The following LMNTD1 variants were observed in gnomAD, a reference collection of about 807,000 sequenced individuals.
LMNTD1 encodes the protein lamin tail domain-containing protein 1.
LMNTD1 carries 35 observed loss-of-function variants against 50.9 expected under a neutral mutation model. The ratio of observed to expected loss-of-function variants is 0.69; its 90% CI spans 0.53 to 0.91. The LOEUF (loss-of-function observed/expected upper bound fraction) is 0.91. Among genes scored for constraint, LMNTD1 ranks in the 40% least tolerant of loss-of-function variants. The probability of loss-of-function intolerance (pLI) is 0.00; values close to 1 mark genes in which losing one functional copy is unlikely to be tolerated. For missense variants in LMNTD1, 470 were observed against 475.5 expected, an observed-to-expected ratio of 0.99 and a Z score of 0.11; for synonymous variants, 153 against 161.9, an observed-to-expected ratio of 0.94 and a Z score of 0.42.
At chr12:25,647,415 G>A (rs201606449) in intron 1 of LMNTD1, among the ~76,000 whole-genome samples, 2 of 152,166 alleles carry the variant, frequency 1.3e-5, no homozygotes, top group South Asian at 2.1e-4. Context: ...CTTGAGCCTG[G>A]GGGGGCAGAG....
intron 1 of LMNTD1, among the ~76,000 whole-genome samples, chr12:25,581,705 G>A (rs1262413675): frequency 6.6e-6 from 1 of 152,106 alleles, no homozygotes. Flanking sequence ...GGTGATTTTG[G>A]TTGTGCAAAC....
Position 25,525,186 on chromosome 12 carries a change from C to T in LMNTD1, c.798+913G>A, listed in dbSNP as rs59919060. On this transcript the variant is annotated intron_variant, in intron 6 of 9. Coordinates refer to ENST00000458174, the MANE Select transcript of LMNTD1 (RefSeq NM_001145728.2). ...TACCTTTGAACCTTATTGGTGTGTC[C>T]ATGGGTATATATGTATGCTAATATT... Among the ~76,000 whole-genome samples, 82 of 152,080 alleles carry T rather than the reference C, an allele frequency of 5.4e-4. No individual in the cohort carries two copies. In the East Asian group the frequency reaches 6.9e-3, roughly 13 times the overall value.
chr12:25,638,549 C>A (rs1342356791), intron 1 of LMNTD1, among the ~76,000 whole-genome samples: 5 of 151,654 alleles, frequency 3.3e-5, no homozygotes, highest in Admixed American at 3.3e-4. Context: ...AATGAGCAAT[C>A]CAAAATCAAA....
chr12:25,567,170 A>G (rs1262212551), intron 1 of LMNTD1, among the ~76,000 whole-genome samples: 1 of 152,224 alleles, frequency 6.6e-6, no homozygotes, highest in Non-Finnish European at 1.5e-5. Flanking sequence ...AAATTCATGC[A>G]TTGTTAGGAA....
intron 1 of LMNTD1, among the ~76,000 whole-genome samples, chr12:25,625,459 T>C (rs1400610698): frequency 1.3e-5 from 2 of 152,068 alleles, no homozygotes; most frequent in Non-Finnish European, 2.9e-5. Flanking sequence ...AATGGGGACA[T>C]CCCTTAGGCC....
At chr12:25,597,283 A>G (rs1945864139) in intron 1 of LMNTD1, among the ~76,000 whole-genome samples, 1 of 152,054 alleles carries the variant, frequency 6.6e-6, no homozygotes, top group African/African-American at 2.4e-5. Flanking sequence ...AAAAACACAC[A>G]TAGACTAAAA....
chr12:25,558,654 T>C (rs748740943), intron 1 of LMNTD1, among the ~76,000 whole-genome samples: 1 of 152,216 alleles, frequency 6.6e-6, no homozygotes, highest in Non-Finnish European at 1.5e-5. Flanking sequence ...CATTTCCACA[T>C]GGCCGGGGAG....
chr12:25,638,232 T>C (rs1288948441), intron 1 of LMNTD1, among the ~76,000 whole-genome samples: 1 of 152,086 alleles, frequency 6.6e-6, no homozygotes, highest in African/African-American at 2.4e-5. Flanking sequence ...ACAGCTAACA[T>C]ACTTAACGGT....
At position 25,526,312 on chromosome 12, in the gene LMNTD1, T is replaced by G. The variant is rs1941705376; in HGVS notation, c.679-94A>C. 6 of 1,219,970 alleles carry G rather than the reference T, an allele frequency of 4.9e-6. No homozygotes were observed. The South Asian group carries it at 9.5e-5, about 19-fold the overall frequency. The allele number at this position is 1,219,970 out of a possible 1,614,324, so 75.6% of individuals were successfully genotyped here. On this transcript the variant is annotated intron_variant, in intron 5 of 9. Coordinates refer to ENST00000458174, the MANE Select transcript of LMNTD1 (RefSeq NM_001145728.2). ...CTCCAACATAATCTTTCTGAACAGA[T>G]GAGGTTTTAAAATATAATGACTATA... is the stretch of plus-strand genomic sequence containing the variant.
At chr12:25,539,271 A>T (rs891244357) in intron 4 of LMNTD1, among the ~76,000 whole-genome samples, 1 of 150,818 alleles carries the variant, frequency 6.6e-6, no homozygotes, top group Non-Finnish European at 1.5e-5. Flanking sequence ...CAGAATATAC[A>T]TTTTTTTCAG....
intron 9 of LMNTD1, among the ~76,000 whole-genome samples, chr12:25,477,365 C>G (rs966113908): frequency 2.0e-5 from 3 of 151,466 alleles, no homozygotes; most frequent in Admixed American, 6.6e-5. Flanking sequence ...GGAAAAGAGT[C>G]AATAGAACAT....
Position 25,526,121 on chromosome 12 carries a change from A to G in LMNTD1, c.776T>C (p.Ile259Thr). Reference sequence around the variant, plus strand: ...AACTTGACCGTTCGGTTTGCACAGGATTGTTATACAATCAGGACTTGCTCT... The same window carrying G: ...AACTTGACCGTTCGGTTTGCACAGGGTTGTTATACAATCAGGACTTGCTCT... ...KFRASPDCIT[I>T]LCKPNGQAIA... The change falls in exon 6 of 10, where the codon ATC becomes ACC. Residue 259 changes from isoleucine (I) to threonine (T), a missense_variant. Coordinates refer to ENST00000458174, the MANE Select transcript of LMNTD1 (RefSeq NM_001145728.2). 6.2e-7 allele frequency: 1 copy of G among 1,603,562 alleles called. No individual in the cohort carries two copies. The highest frequency in any genetic ancestry group is 1.1e-5 in the South Asian group (1 of 89,464).
chr12:25,554,353 C>G (rs891496855), upstream of LMNTD1, among the ~76,000 whole-genome samples: 2 of 152,174 alleles, frequency 1.3e-5, no homozygotes, highest in African/African-American at 2.4e-5. Flanking sequence ...TATCAGAGAG[C>G]CTGCTCATAT....
intron 1 of LMNTD1, among the ~76,000 whole-genome samples, chr12:25,641,042 A>C (rs1221907498): frequency 1.3e-5 from 2 of 152,154 alleles, no homozygotes; most frequent in South Asian, 2.1e-4. Context: ...CATTTACAGG[A>C]CATCAAAAAG....
chr12:25,541,606 AC>A (rs1310696773), intron 4 of LMNTD1, among the ~76,000 whole-genome samples: 1 of 96,906 alleles, frequency 1.0e-5, no homozygotes, highest in East Asian at 3.0e-4. Flanking sequence ...TAGACCTAAA[AC>A]CATAAAAACC....
At chr12:25,627,065 CA>C (rs1946605746) in intron 1 of LMNTD1, among the ~76,000 whole-genome samples, 1 of 152,200 alleles carries the variant, frequency 6.6e-6, no homozygotes. Flanking sequence ...AAAACACCAT[CA>C]TGCTACCTTT....
intron 4 of LMNTD1, among the ~76,000 whole-genome samples, chr12:25,544,813 GGAAAGAATAGAAAAAAA>G (rs1438563785): frequency 6.6e-6 from 1 of 151,404 alleles, no homozygotes; most frequent in Non-Finnish European, 1.5e-5. Context: ...GAATCACAAA[GGAAAGAATAGAAAAAAA>G]GAAAGAATAG....
At chr12:25,579,425 AG>A (rs1279143929) in intron 1 of LMNTD1, among the ~76,000 whole-genome samples, 14 of 152,284 alleles carry the variant, frequency 9.2e-5, no homozygotes. Context: ...ATTTTATATC[AG>A]GGACTTTAGC....
Position 25,520,139 on chromosome 12 carries a change from G to GATATATATAT in LMNTD1, c.799-65_799-64insATATATATAT, listed in dbSNP as rs1394594290. On this transcript the variant is annotated intron_variant, in intron 6 of 9. Coordinates refer to ENST00000458174, the MANE Select transcript of LMNTD1 (RefSeq NM_001145728.2). Reference sequence around the variant, plus strand: ...TGAGGTTTACAACATGCTGTTATGAGATATACATATATATATATATATATA... The same window carrying GATATATATAT: ...TGAGGTTTACAACATGCTGTTATGAGATATATATATATATACATATATATATATATATATA... 4.3e-3 allele frequency: 660 copies of GATATATATAT among 152,330 alleles called. 57 individuals carry two copies. The highest frequency in any genetic ancestry group is 6.1e-3 in the East Asian group (34 of 5,534). The allele number at this position is 152,330 out of a possible 1,614,324, so 9.4% of individuals were successfully genotyped here.
Sources: gnomAD v4.1 joint callset for allele counts (sites outside exome capture counted in the v4.1 genomes callset) on GRCh38, gnomAD v4.1.1 for gene constraint, MANE v1.5 for transcripts, NCBI Gene and HGNC (gene_info 2026-07-23, HGNC 2026-07-21) for gene names.